Variants in NEMP2 observed in about 807,000 individuals in gnomAD.
NEMP2 encodes nuclear envelope integral membrane protein 2.
NEMP2 carries 53 observed loss-of-function variants against 54.2 expected under a neutral mutation model. The ratio of observed to expected loss-of-function variants is 0.98; its 90% confidence interval spans 0.78 to 1.23. The LOEUF (loss-of-function observed/expected upper bound fraction) is 1.23. NEMP2 is among the 50% of genes most tolerant of loss of function. NEMP2 has a pLI of 0.00. For synonymous variants in NEMP2, 197 were observed against 190.3 expected (o/e 1.04, Z -0.29); for missense variants, 455 against 511.3 (o/e 0.89, Z 1.06).
the NEMP2 span, chr2:190,609,230 T>C: frequency 2.0e-5 from 3 of 152,198 alleles, no homozygotes; most frequent in Non-Finnish European, 2.9e-5. This position sits in a 1 kb window ranked among gnomAD's most constrained non-coding sequence, Gnocchi z 4.7. Flanking sequence ...TGTAACTGAG[T>C]GAATTAATCT....
At chr2:190,462,840 A>G in the NEMP2 span, among the ~76,000 whole-genome samples, 1 of 152,214 alleles carries the variant, frequency 6.6e-6, no homozygotes, top group East Asian at 1.9e-4. This position sits in a 1 kb window ranked among gnomAD's most constrained non-coding sequence, Gnocchi z 5.7. Context: ...GAGCTGTAGC[A>G]GCTCCTGCCT....
chr2:190,432,697 G>A, the NEMP2 span, among the ~76,000 whole-genome samples: 5 of 152,192 alleles, frequency 3.3e-5, no homozygotes, highest in South Asian at 2.1e-4. Context: ...AATTACAGGC[G>A]TGAGCCACCG....
rs960882583 is a variant in NEMP2 at position 190,520,356 on chromosome 2, C to T, written c.214-1173G>A. Among the ~76,000 whole-genome samples the T allele has an allele frequency of 1.3e-5, 2 of 152,328 alleles. No individual in the cohort carries two copies. The highest frequency in any genetic ancestry group is 2.1e-4 in the South Asian group (1 of 4,824). ...ACATCACAGAACAAAGCACTAGCTA[C>T]AAGCCGATGGTGACAACCCAGTGGT... On this transcript the variant is annotated intron_variant, in intron 2 of 8. Transcript: ENST00000409150. This position sits in a 1 kb window ranked among gnomAD's most constrained non-coding sequence, Gnocchi z 5.4.
chr2:190,536,135 C>A (rs914291118), upstream of NEMP2: 2 of 152,206 alleles, frequency 1.3e-5, no homozygotes, highest in African/African-American at 4.8e-5. Context: ...TGAAACACCA[C>A]ATTTTTCTCT....
chr2:190,447,203 A>C, the NEMP2 span, among the ~76,000 whole-genome samples: 1 of 152,226 alleles, frequency 6.6e-6, no homozygotes, highest in Admixed American at 6.5e-5. This position sits in a 1 kb window ranked among gnomAD's most constrained non-coding sequence, Gnocchi z 4.5. Flanking sequence ...AATGGAGCTA[A>C]TTAGAGCTTT....
intron 1 of NEMP2, among the ~76,000 whole-genome samples, chr2:190,532,986 A>G (rs978393822): frequency 2.6e-5 from 4 of 152,262 alleles, no homozygotes; most frequent in African/African-American, 4.8e-5. Flanking sequence ...AGAAGCTCCA[A>G]TAAGTATTTA....
the NEMP2 span, chr2:190,489,744 A>C: frequency 6.2e-7 from 1 of 1,603,636 alleles, no homozygotes; most frequent in Non-Finnish European, 8.5e-7. The surrounding 1 kb of genome is among the most constrained non-coding windows in gnomAD (Gnocchi z 6.6). Flanking sequence ...GAATTACTCT[A>C]TAGAGTGCTG....
rs1445087191 is a variant in NEMP2 at position 190,520,360 on chromosome 2, C to A, written c.214-1177G>T. ...CACAGAACAAAGCACTAGCTACAAGCCGATGGTGACAACCCAGTGGTCATT... is the reference window on the plus strand; with the variant it reads ...CACAGAACAAAGCACTAGCTACAAGACGATGGTGACAACCCAGTGGTCATT... On this transcript the variant is annotated intron_variant, in intron 2 of 8. Transcript: ENST00000409150. This position sits in a 1 kb window ranked among gnomAD's most constrained non-coding sequence, Gnocchi z 5.4. 6.6e-6 allele frequency among the ~76,000 whole-genome samples: 1 copy of A among 152,222 alleles called. No individual in the cohort carries two copies. The highest frequency in any genetic ancestry group is 1.9e-4 in the East Asian group (1 of 5,196).
chr2:190,628,374 C>G, the NEMP2 span: 6 of 152,194 alleles, frequency 3.9e-5, no homozygotes, highest in Non-Finnish European at 8.8e-5. The surrounding 1 kb of genome is among the most constrained non-coding windows in gnomAD (Gnocchi z 4.1). Flanking sequence ...GTTACTGCTT[C>G]TTCACCCTCA....
the NEMP2 span, among the ~76,000 whole-genome samples, chr2:190,559,400 C>T: frequency 2.0e-5 from 3 of 152,024 alleles, no homozygotes; most frequent in South Asian, 4.2e-4. This position sits in a 1 kb window ranked among gnomAD's most constrained non-coding sequence, Gnocchi z 4.0. Context: ...GACCCTTGAG[C>T]GTATGAGTTC....
Position 190,517,569 on chromosome 2 carries a change from A to G in NEMP2, c.563T>C (p.Leu188Pro), listed in dbSNP as rs1359762826. 2 of 1,551,080 alleles carry G rather than the reference A, an allele frequency of 1.3e-6. No individual in the cohort carries two copies. Among genetic ancestry groups the G allele is most frequent in the African/African-American group, 1.4e-5 (1 of 73,010 alleles). Residue 188 changes from leucine to proline, a missense_variant, in exon 5 of 9, where the codon CTA becomes CCA. This residue lies in a region of NEMP2 where 294 missense variants were observed against 333.6 expected (regional missense o/e 0.88). Coordinates refer to ENST00000409150, the MANE Select transcript of NEMP2 (RefSeq NM_001142645.2). Reference protein sequence around the residue: ...YYSSGTVLGVLMTLVFVLLLV... With the variant: ...YYSSGTVLGVPMTLVFVLLLV... ...CAGCAAGACAAAGACTAATGTCATT[A>G]GAACACCTAGCACAGTTCCCGAGGA...
At chr2:190,612,152 CTTTTTTT>C in the NEMP2 span, among the ~76,000 whole-genome samples, 1 of 115,800 alleles carries the variant, frequency 8.6e-6, no homozygotes, top group Non-Finnish European at 1.7e-5. Flanking sequence ...AAACATCCCT[CTTTTTTT>C]TTTTTTTTTT....
the NEMP2 span, among the ~76,000 whole-genome samples, chr2:190,479,259 C>A: frequency 1.3e-5 from 2 of 152,178 alleles, no homozygotes; most frequent in African/African-American, 4.8e-5. Context: ...TATTCTCTTG[C>A]AGCTATATCT....
chr2:190,436,767 A>G, the NEMP2 span: 1 of 1,614,212 alleles, frequency 6.2e-7, no homozygotes, highest in Non-Finnish European at 8.5e-7. The surrounding 1 kb of genome is among the most constrained non-coding windows in gnomAD (Gnocchi z 5.3). Context: ...ACTCAAGCAC[A>G]GCAACCCCTG....
chr2:190,478,017 C>T, the NEMP2 span, among the ~76,000 whole-genome samples: 13 of 152,210 alleles, frequency 8.5e-5, no homozygotes, highest in East Asian at 1.7e-3. Context: ...AGTGGTGTGC[C>T]GGGGCTAGGG....
chr2:190,446,762 T>C, the NEMP2 span, among the ~76,000 whole-genome samples: 1 of 152,194 alleles, frequency 6.6e-6, no homozygotes, highest in Admixed American at 6.5e-5. Context: ...CTGGTGGGAA[T>C]ACAAGAGATG....
Position 190,509,038 on chromosome 2 carries a change from TG to T in NEMP2, c.*150del. On this transcript the variant is annotated 3_prime_UTR_variant, in exon 9 of 9. Transcript: ENST00000409150. The surrounding 1 kb of genome is among the most constrained non-coding windows in gnomAD (Gnocchi z 6.1). Reference sequence around the variant, plus strand: ...CAAGAATGCTAAGTTATCTTCAAAATGGGTTGGTTTCCCTTTCCAGACTGAC... The same window carrying T: ...CAAGAATGCTAAGTTATCTTCAAAATGGTTGGTTTCCCTTTCCAGACTGAC... 1 of 1,167,450 alleles carries T rather than the reference TG, an allele frequency of 8.6e-7. No homozygotes were observed. The highest frequency in any genetic ancestry group is 1.2e-6 in the Non-Finnish European group (1 of 853,904). The allele number at this position is 1,167,450 out of a possible 1,614,324, so 72.3% of individuals were successfully genotyped here. A position where few individuals can be genotyped will look rare whatever the true frequency, so the allele number is the denominator to read the frequency against.
At chr2:190,491,950 T>C in the NEMP2 span, among the ~76,000 whole-genome samples, 1 of 152,096 alleles carries the variant, frequency 6.6e-6, no homozygotes, top group African/African-American at 2.4e-5. The surrounding 1 kb of genome is among the most constrained non-coding windows in gnomAD (Gnocchi z 4.2). Flanking sequence ...ATGAGATAGA[T>C]AGCATAAATA....
At chr2:190,537,898 T>C (rs907054074), upstream of NEMP2, among the ~76,000 whole-genome samples, 1 of 151,986 alleles carries the variant, frequency 6.6e-6, no homozygotes, top group Non-Finnish European at 1.5e-5. Flanking sequence ...GAGGGAAAAA[T>C]AGTATCATGG....
Sources: allele counts gnomAD v4.1 joint callset (sites outside exome capture counted in the v4.1 genomes callset), GRCh38; gene constraint gnomAD v4.1.1; regional missense constraint gnomAD v4.1.1; non-coding constraint Gnocchi (gnomAD v3.1); transcripts MANE v1.5; gene names NCBI Gene and HGNC (gene_info 2026-07-23, HGNC 2026-07-21).